The following TOX variants were observed in gnomAD, a reference collection of about 807,000 sequenced individuals.
The protein encoded by TOX is thymocyte selection-associated high mobility group box protein TOX.
TOX carries 11 observed loss-of-function variants against 53.7 expected under a neutral mutation model. That is an observed-to-expected ratio of 0.20 (90% CI 0.13 to 0.34). The LOEUF (loss-of-function observed/expected upper bound fraction) is 0.34. Ranked by LOEUF, TOX falls within the 10% of genes least tolerant of loss-of-function variation. The pLI, the probability that TOX is intolerant of heterozygous loss-of-function variation, is 1.00. For missense variants in TOX, 570 were observed against 664.6 expected (o/e 0.86, Z 1.56); for synonymous variants, 225 against 245.3 (o/e 0.92, Z 0.77).
intron 1 of TOX, among the ~76,000 whole-genome samples, chr8:59,063,981 G>A (rs1386719738): frequency 6.6e-6 from 1 of 152,004 alleles, no homozygotes; most frequent in Non-Finnish European, 1.5e-5. Flanking sequence ...GAGGACCAAT[G>A]TTGTGCTAAA....
intron 1 of TOX, among the ~76,000 whole-genome samples, chr8:59,025,389 A>G (rs970039485): frequency 2.0e-5 from 3 of 152,128 alleles, no homozygotes; most frequent in Non-Finnish European, 2.9e-5. Context: ...TGTACATCCA[A>G]TATGAGACTG....
At position 58,955,987 on chromosome 8, in the gene TOX, G is replaced by A. The variant is rs548605066; in HGVS notation, c.168+3956C>T. ...TGACCTCAGGTGATCCGCCCACTTC[G>A]GCCTCCCAAAGTGCTGGGATTACAG... is the stretch of plus-strand genomic sequence containing the variant. On this transcript the variant is annotated intron_variant, in intron 2 of 8. Transcript: ENST00000361421. 1.5e-3 allele frequency among the ~76,000 whole-genome samples: 225 copies of A among 151,900 alleles called. 1 individual carries two copies. Among genetic ancestry groups the A allele is most frequent in the Admixed American group, 3.7e-3 (57 of 15,248 alleles).
intron 2 of TOX, among the ~76,000 whole-genome samples, chr8:58,951,841 T>C (rs1350793477): frequency 6.6e-6 from 1 of 152,204 alleles, no homozygotes; most frequent in Non-Finnish European, 1.5e-5. Flanking sequence ...AATATCCTAA[T>C]TTAAGAACAG....
chr8:58,808,028 T>C (rs768487367), intron 8 of TOX, 90 bp downstream of exon 8: 13 of 1,506,784 alleles, frequency 8.6e-6, no homozygotes, highest in Non-Finnish European at 1.2e-5. Flanking sequence ...TCCCGGATCA[T>C]GTTTTTGGAA....
At chr8:58,896,028 A>G (rs999841666) in intron 3 of TOX, among the ~76,000 whole-genome samples, 2 of 152,236 alleles carry the variant, frequency 1.3e-5, no homozygotes, top group African/African-American at 4.8e-5. Context: ...GTTAATAAAT[A>G]TCAGACTTTT....
chr8:59,060,097 C>T (rs147002863), intron 1 of TOX, among the ~76,000 whole-genome samples: 157 of 152,154 alleles, frequency 1.0e-3, no homozygotes, highest in African/African-American at 3.7e-3. Flanking sequence ...AACGATTTCC[C>T]GTTTTATTAG....
At chr8:58,957,048 G>A (rs1186798072) in intron 2 of TOX, among the ~76,000 whole-genome samples, 1 of 152,194 alleles carries the variant, frequency 6.6e-6, no homozygotes, top group Non-Finnish European at 1.5e-5. Context: ...GTTCAGAATG[G>A]CAAAGAAGTG....
At chr8:58,874,892 C>T (rs1030010005) in intron 3 of TOX, among the ~76,000 whole-genome samples, 7 of 152,180 alleles carry the variant, frequency 4.6e-5, no homozygotes, top group African/African-American at 1.2e-4. Context: ...CTAATGAGCG[C>T]TGATGAGCTA....
chr8:58,882,846 A>G (rs1474283496), intron 3 of TOX, among the ~76,000 whole-genome samples: 4 of 152,158 alleles, frequency 2.6e-5, no homozygotes, highest in African/African-American at 9.7e-5. Context: ...TATCAACTCT[A>G]AGATTCTTCG....
At chr8:58,858,220 G>A (rs1810947719) in intron 3 of TOX, among the ~76,000 whole-genome samples, 1 of 152,196 alleles carries the variant, frequency 6.6e-6, no homozygotes, top group African/African-American at 2.4e-5. Flanking sequence ...TGATGAAATA[G>A]TGTTAAAATC....
intron 2 of TOX, among the ~76,000 whole-genome samples, 156 bp downstream of exon 2, chr8:58,959,787 T>G (rs570039130): frequency 6.6e-6 from 1 of 152,368 alleles, no homozygotes; most frequent in South Asian, 2.1e-4. Context: ...ATCAGCTCTA[T>G]CTCATTAACT....
At chr8:59,057,964 G>C (rs745307937) in intron 1 of TOX, among the ~76,000 whole-genome samples, 21 of 151,944 alleles carry the variant, frequency 1.4e-4, no homozygotes, top group Admixed American at 5.9e-4. Context: ...TGACCCAAAG[G>C]GTGCTCTAGA....
chr8:58,897,376 G>GA (rs1811668568), intron 3 of TOX, among the ~76,000 whole-genome samples: 1 of 152,148 alleles, frequency 6.6e-6, no homozygotes, highest in South Asian at 2.1e-4. Context: ...TAACGTGTCA[G>GA]AAAATCAGAA....
Position 58,807,627 on chromosome 8 carries a change from C to G in TOX, c.*120G>C. ...GGGTGACCCACAAGCTCAAATGGTC[C>G]TAAGTGCTTAGCAACTTGTATTTTC... On this transcript the variant is annotated 3_prime_UTR_variant, in exon 9 of 9. Transcript: ENST00000361421. The G allele has an allele frequency of 1.7e-6, 2 of 1,160,600 alleles. No individual in the cohort carries two copies. Among genetic ancestry groups the G allele is most frequent in the South Asian group, 2.9e-5 (2 of 70,148 alleles). 71.9% of individuals were successfully genotyped at this position (1,160,600 alleles called of 1,614,324 possible).
At chr8:58,976,066 G>A (rs1015282062) in intron 1 of TOX, among the ~76,000 whole-genome samples, 12 of 81,612 alleles carry the variant, frequency 1.5e-4, no homozygotes, top group South Asian at 4.8e-4. Flanking sequence ...GTGAGACTCC[G>A]TCTAATAAAA....
intron 1 of TOX, among the ~76,000 whole-genome samples, chr8:59,039,275 T>C (rs1803527280): frequency 6.6e-6 from 1 of 152,258 alleles, no homozygotes; most frequent in Admixed American, 6.5e-5. Flanking sequence ...GAATTGCAAG[T>C]GTATTGTTCA....
At chr8:59,033,261 A>T (rs1404331915) in intron 1 of TOX, among the ~76,000 whole-genome samples, 1 of 152,228 alleles carries the variant, frequency 6.6e-6, no homozygotes, top group African/African-American at 2.4e-5. Flanking sequence ...ATGAGATCCT[A>T]GAAGGCTCAC....
intron 1 of TOX, among the ~76,000 whole-genome samples, chr8:59,039,228 TCAAACTCAAC>T (rs1308317258): frequency 1.3e-5 from 2 of 152,226 alleles, no homozygotes; most frequent in Non-Finnish European, 2.9e-5. Flanking sequence ...GCAAAGAATG[TCAAACTCAAC>T]CAACCTTCAT....
At chr8:58,922,461 C>A (rs758942246) in intron 3 of TOX, among the ~76,000 whole-genome samples, 8 of 152,130 alleles carry the variant, frequency 5.3e-5, no homozygotes, top group South Asian at 2.1e-4. Flanking sequence ...TGAACTGTGA[C>A]CTTTCCTATA....
Sources: gnomAD v4.1 joint callset for allele counts (sites outside exome capture counted in the v4.1 genomes callset) on GRCh38, gnomAD v4.1.1 for gene constraint, MANE v1.5 for transcripts, NCBI Gene and HGNC (gene_info 2026-07-23, HGNC 2026-07-21) for gene names.